Variants in FRY observed in about 807,000 individuals in gnomAD.
FRY encodes the protein protein furry homolog.
A neutral mutation model predicts 348.4 loss-of-function variants in FRY; 128 were observed. The observed-to-expected ratio is 0.37, with a 90% CI of 0.32 to 0.43. The LOEUF (loss-of-function observed/expected upper bound fraction) is 0.43. Among genes scored for constraint, FRY ranks in the 20% least tolerant of loss-of-function variants. The probability of loss-of-function intolerance (pLI) is 1.00; values close to 1 mark genes in which losing one functional copy is unlikely to be tolerated. For synonymous variants in FRY, 1,370 were observed against 1,374.7 expected, an observed-to-expected ratio of 1.00 and a Z score of 0.08; for missense variants, 2,736 against 3,695.2, an observed-to-expected ratio of 0.74 and a Z score of 6.73.
chr13:32,133,044 G>A (rs1249553719), intron 8 of FRY, among the ~76,000 whole-genome samples: 1 of 152,174 alleles, frequency 6.6e-6, no homozygotes, highest in African/African-American at 2.4e-5. Context: ...ATGGGGAGTG[G>A]ATAGGGAGGT....
chr13:32,170,892 G>A, intron 17 of FRY, 120 bp from the exon 18 acceptor site: 1 of 793,464 alleles, frequency 1.3e-6, no homozygotes, highest in East Asian at 2.5e-5. Flanking sequence ...CAAAAAATAA[G>A]GGAGACCCAT....
At chr13:32,247,572 T>C in intron 48 of FRY, 70 bp downstream of exon 48, 5 of 1,199,308 alleles carry the variant, frequency 4.2e-6, no homozygotes, top group Non-Finnish European at 6.2e-6. Flanking sequence ...CAAAAGTAGT[T>C]GCCTGGAAAA....
At position 32,267,230 on chromosome 13, in the gene FRY, T is replaced by G; in HGVS notation, c.8007T>G (p.Leu2669=). ...CCTCGCCCTTCTTCTCAGCCATCCT[T>G]GCCGCCTTTCAGCCCGCAGCCTGTG... ...PPPSPFFSAI[L]AAFQPAACDD... is the part of the protein sequence containing the mutation. The change falls in exon 55 of 61, where the codon CTT becomes CTG. Residue 2669 remains leucine, a synonymous_variant. Coordinates refer to ENST00000542859, the MANE Select transcript of FRY (RefSeq NM_023037.3). 3.1e-6 allele frequency: 5 copies of G among 1,613,982 alleles called. No individual in the cohort carries two copies. The highest frequency in any genetic ancestry group is 4.2e-6 in the Non-Finnish European group (5 of 1,179,962).
At chr13:32,067,963 G>A (rs1300445094) in intron 1 of FRY, among the ~76,000 whole-genome samples, 1 of 152,082 alleles carries the variant, frequency 6.6e-6, no homozygotes, top group African/African-American at 2.4e-5. Flanking sequence ...TGGTGTCAGT[G>A]TGTGGTCCCA....
At chr13:32,284,808 C>T (rs1888968126) in intron 58 of FRY, among the ~76,000 whole-genome samples, 1 of 152,178 alleles carries the variant, frequency 6.6e-6, no homozygotes, top group African/African-American at 2.4e-5. Flanking sequence ...CTATAGTACA[C>T]TGTGGTTCAT....
At chr13:32,057,695 C>A (rs1304667820) in intron 1 of FRY, among the ~76,000 whole-genome samples, 1 of 152,176 alleles carries the variant, frequency 6.6e-6, no homozygotes, top group Non-Finnish European at 1.5e-5. Flanking sequence ...CATGGTGGCT[C>A]ACACCTGTAA....
At chr13:32,133,625 G>C (rs749639936) in intron 8 of FRY, among the ~76,000 whole-genome samples, 14 of 151,964 alleles carry the variant, frequency 9.2e-5, no homozygotes, top group Non-Finnish European at 1.9e-4. Context: ...GTCTTAATAT[G>C]ATATTGATAG....
chr13:32,099,956 AAAATCACATGCCCC>A (rs1877040967), intron 2 of FRY, among the ~76,000 whole-genome samples: 1 of 152,062 alleles, frequency 6.6e-6, no homozygotes, highest in Non-Finnish European at 1.5e-5. Context: ...TGGTGCAAGA[AAAATCACATGCCCC>A]AAATTCACCA....
chr13:32,287,543 G>A (rs965953456), intron 58 of FRY, among the ~76,000 whole-genome samples: 4 of 152,126 alleles, frequency 2.6e-5, no homozygotes, highest in African/African-American at 7.2e-5. Context: ...ACACTTATAC[G>A]CTAAAATCTT....
At chr13:32,164,467 C>CT (rs1233191179) in intron 17 of FRY, among the ~76,000 whole-genome samples, 1 of 152,184 alleles carries the variant, frequency 6.6e-6, no homozygotes, top group Non-Finnish European at 1.5e-5. Flanking sequence ...CCTTCCTGCA[C>CT]TTTGAGTAAT....
chr13:32,250,917 G>A (rs112524288), intron 49 of FRY, among the ~76,000 whole-genome samples: 1,662 of 152,268 alleles, frequency 0.011, 34 homozygotes, highest in African/African-American at 0.038. Context: ...TAAGACTTAG[G>A]AAAATCGTTT....
intron 36 of FRY, among the ~76,000 whole-genome samples, chr13:32,223,189 C>T (rs1885403746): frequency 6.6e-6 from 1 of 152,024 alleles, no homozygotes; most frequent in South Asian, 2.1e-4. Context: ...AACTCCTGAC[C>T]TCAAGTGATC....
Position 32,224,393 on chromosome 13 carries a change from G to A in FRY, c.4916+8G>A. On this transcript the variant is annotated splice_region_variant and intron_variant, in intron 37 of 60. Coordinates refer to ENST00000542859, the MANE Select transcript of FRY (RefSeq NM_023037.3). ...CCGGGGGCCACTCCACAGGTGAGCA[G>A]CATGTGTGGGGAGAAGGAAATCTTA... 6.2e-7 allele frequency: 1 copy of A among 1,613,086 alleles called. No homozygotes were observed. Among genetic ancestry groups the A allele is most frequent in the Non-Finnish European group, 8.5e-7 (1 of 1,179,344 alleles).
At chr13:32,204,292 C>G (rs1271309647) in intron 31 of FRY, among the ~76,000 whole-genome samples, 1 of 151,250 alleles carries the variant, frequency 6.6e-6, no homozygotes, top group Non-Finnish European at 1.5e-5. Flanking sequence ...ATCACAACTA[C>G]CACCACCACC....
Position 32,265,607 on chromosome 13 carries a change from C to A in FRY, c.7937C>A (p.Thr2646Asn). The A allele has an allele frequency of 6.2e-7, 1 of 1,613,992 alleles. No homozygotes were observed. Among genetic ancestry groups the A allele is most frequent in the Non-Finnish European group, 8.5e-7 (1 of 1,179,960 alleles). Reference sequence around the variant, plus strand: ...GGCAATCGGGCACTGGACCAGTTTACCCTGGCGAGGTAATGGAGCCCTTGG... The same window carrying A: ...GGCAATCGGGCACTGGACCAGTTTAACCTGGCGAGGTAATGGAGCCCTTGG... ...EKGNRALDQF[T>N]LASFGEGDRG... The change falls in exon 54 of 61, where the codon ACC becomes AAC. Residue 2646 changes from threonine (T) to asparagine (N), a missense_variant. By Grantham distance (65) the Thr-to-Asn change is moderately conservative. Transcript: ENST00000542859.
chr13:32,138,274 G>T (rs1879846543), intron 11 of FRY, among the ~76,000 whole-genome samples: 1 of 151,994 alleles, frequency 6.6e-6, no homozygotes, highest in Non-Finnish European at 1.5e-5. Flanking sequence ...ACACAGATAG[G>T]AAATAGTCAC....
At chr13:32,073,211 C>T (rs1874785885) in intron 1 of FRY, among the ~76,000 whole-genome samples, 1 of 152,180 alleles carries the variant, frequency 6.6e-6, no homozygotes, top group Non-Finnish European at 1.5e-5. Context: ...GATGGGAAAG[C>T]AGTGTGATCA....
rs566664587 is a variant in FRY at position 32,234,491 on chromosome 13, C to T, written c.5528-83C>T. 45 of 1,187,932 alleles carry T rather than the reference C, an allele frequency of 3.8e-5. No individual in the cohort carries two copies. In the East Asian group the frequency reaches 4.0e-4, roughly 10 times the overall value. 73.6% of individuals were successfully genotyped at this position (1,187,932 alleles called of 1,614,324 possible). The stretch of plus-strand genomic sequence containing the variant: ...TACAAGGTAGCCCTGTGCCGTTAGC[C>T]TGTTTTAAACTTAGAGGTAACTTTG... On this transcript the variant is annotated intron_variant, in intron 41 of 60. Coordinates refer to ENST00000542859, the MANE Select transcript of FRY (RefSeq NM_023037.3).
intron 12 of FRY, among the ~76,000 whole-genome samples, 197 bp downstream of exon 12, chr13:32,147,582 C>T (rs957827824): frequency 6.6e-6 from 1 of 152,204 alleles, no homozygotes; most frequent in Admixed American, 6.5e-5. Context: ...CAGCCTCTAC[C>T]AGGATCAACA....
Sources: gnomAD v4.1 joint callset for allele counts (sites outside exome capture counted in the v4.1 genomes callset) on GRCh38, gnomAD v4.1.1 for gene constraint, MANE v1.5 for transcripts, NCBI Gene and HGNC (gene_info 2026-07-23, HGNC 2026-07-21) for gene names.